NRK: variants seen among roughly 807,000 people sequenced by gnomAD.
NRK encodes Nik related kinase.
A neutral mutation model predicts 125.2 loss-of-function variants in NRK; 67 were observed. The ratio of observed to expected loss-of-function variants is 0.54; its 90% CI spans 0.44 to 0.66. NRK has a LOEUF of 0.66. Among genes scored for constraint, NRK ranks in the 30% least tolerant of loss-of-function variants. NRK has a pLI of 0.00. For missense variants in NRK, 1,224 were observed against 1,192.9 expected (o/e 1.03, Z -0.38); for synonymous variants, 458 against 429.0 (o/e 1.07, Z -0.84).
At chrX:105,879,031 T>C (rs2039852711) in intron 2 of NRK, among the ~76,000 whole-genome samples, 1 of 111,526 alleles carries the variant, frequency 9.0e-6, no homozygotes, top group Admixed American at 9.6e-5. Flanking sequence ...TCCTGGCTTC[T>C]GGTGTTATCA....
intron 2 of NRK, among the ~76,000 whole-genome samples, chrX:105,843,929 G>T (rs1439429892): frequency 1.9e-5 from 2 of 107,799 alleles, no homozygotes; most frequent in Admixed American, 1.0e-4. Context: ...GGCTTGAAAT[G>T]TTAAACTCTA....
chrX:105,935,521 A>G (rs955264072), intron 21 of NRK, among the ~76,000 whole-genome samples, 196 bp downstream of exon 21: 3 of 109,364 alleles, frequency 2.7e-5, no homozygotes, highest in Non-Finnish European at 5.7e-5. Flanking sequence ...GACGGCCCCC[A>G]CCTTTGTATT....
intron 5 of NRK, among the ~76,000 whole-genome samples, chrX:105,889,264 C>T (rs1261951277): frequency 1.8e-5 from 2 of 112,631 alleles, no homozygotes; most frequent in Non-Finnish European, 3.8e-5. Flanking sequence ...TCCTTTGACT[C>T]CATATCTCAC....
intron 16 of NRK, among the ~76,000 whole-genome samples, 163 bp downstream of exon 16, chrX:105,917,835 G>T (rs772680462): frequency 9.0e-6 from 1 of 111,567 alleles, no homozygotes; most frequent in Non-Finnish European, 1.9e-5. Flanking sequence ...TGGCAATTGG[G>T]TGGTCAGTGG....
rs2040866667 is a variant in NRK at position 105,949,731 on chromosome X, A to G, written c.4510A>G (p.Ile1504Val). 3 of 1,153,823 alleles carry G rather than the reference A, an allele frequency of 2.6e-6. No homozygotes were observed. The highest frequency in any genetic ancestry group is 3.5e-6 in the Non-Finnish European group (3 of 851,865). ...AATGTGGAAAGACATACCATCTTCTATAGGTATGTATACAATTTATTTCTT... is the reference window on the plus strand; with the variant it reads ...AATGTGGAAAGACATACCATCTTCTGTAGGTATGTATACAATTTATTTCTT... The part of the protein sequence containing the change: ...LEMWKDIPSS[I>V]AFECTQRTTG... The change falls in exon 27 of 29, where the codon ATA becomes GTA. Residue 1504 changes from isoleucine to valine, a missense_variant. Physicochemically the swap from Ile to Val is conservative, Grantham distance 29. Transcript: ENST00000243300.
chrX:105,825,853 A>C (rs1227465715), intron 1 of NRK, among the ~76,000 whole-genome samples: 1 of 109,739 alleles, frequency 9.1e-6, no homozygotes, highest in African/African-American at 3.3e-5. Context: ...CTATTGAATA[A>C]ATATTTTCTA....
intron 6 of NRK, 44 bp from the exon 7 acceptor site, chrX:105,895,386 AAAG>A (rs764433147): frequency 1.9e-5 from 18 of 964,128 alleles, no homozygotes; most frequent in Admixed American, 1.4e-4. Context: ...AGAAAGAAAG[AAAG>A]AAAGAAATAT....
chrX:105,920,621 G>A (rs2040429212), intron 16 of NRK, among the ~76,000 whole-genome samples: 1 of 110,344 alleles, frequency 9.1e-6, no homozygotes, highest in African/African-American at 3.3e-5. Context: ...TCCCTTGTAA[G>A]TTGGATTTAC....
intron 2 of NRK, among the ~76,000 whole-genome samples, chrX:105,863,027 A>C (rs1476815387): frequency 1.8e-5 from 2 of 112,090 alleles, no homozygotes; most frequent in Non-Finnish European, 3.8e-5. Context: ...AACAAAAAAC[A>C]ATATTGTATA....
At position 105,827,068 on chromosome X, in the gene NRK, C is replaced by T. The variant is rs187116596; in HGVS notation, c.58-3986C>T. On this transcript the variant is annotated intron_variant, in intron 1 of 28. Coordinates refer to ENST00000243300, the MANE Select transcript of NRK (RefSeq NM_198465.4). ...TATTACCCAGATGATTCTCACGTAGCGAGAGTCTATACAGTCTACAGTTTG... is the reference window on the plus strand; with the variant it reads ...TATTACCCAGATGATTCTCACGTAGTGAGAGTCTATACAGTCTACAGTTTG... Among the ~76,000 whole-genome samples the T allele has an allele frequency of 2.0e-3, 224 of 111,345 alleles. 3 individuals are homozygous for T. The highest frequency in any genetic ancestry group is 7.0e-3 in the African/African-American group (215 of 30,614).
At chrX:105,867,092 T>C (rs2039682104) in intron 2 of NRK, among the ~76,000 whole-genome samples, 1 of 111,722 alleles carries the variant, frequency 9.0e-6, no homozygotes, top group South Asian at 3.7e-4. Flanking sequence ...TACTAGGTTC[T>C]CTAAGGTTCT....
rs767101055 is a variant in NRK at position 105,955,585 on chromosome X, C to A, written c.4734C>A (p.Ser1578Arg). ...TTGGAAAACTTGAAGAGCTCCAAAG[C>A]AATTATGATGTCTAAAAGTTTCCAG... ...MTLGKLEELQSNYDV is the reference protein window; with the variant it reads ...MTLGKLEELQRNYDV The change falls in exon 29 of 29, where the codon AGC becomes AGA. Residue 1578 changes from serine (S) to arginine (R), a missense_variant. Transcript: ENST00000243300. 8.8e-7 allele frequency: 1 copy of A among 1,142,172 alleles called. No individual in the cohort carries two copies. Among genetic ancestry groups the A allele is most frequent in the Non-Finnish European group, 1.2e-6 (1 of 839,704 alleles). The allele number at this position is 1,142,172 out of a possible 1,213,427, so 94.1% of individuals were successfully genotyped here.
intron 24 of NRK, among the ~76,000 whole-genome samples, chrX:105,945,471 T>C (rs1301676035): frequency 8.9e-6 from 1 of 111,998 alleles, no homozygotes; most frequent in Non-Finnish European, 1.9e-5. Context: ...TGACTGTATA[T>C]ACAGTCTGAG....
In NRK at chrX:105,909,820, C is replaced by T. The variant is rs751709929; in HGVS notation, c.2179C>T (p.Arg727Cys). The change falls in exon 13 of 29, where the codon CGC becomes TGC. Residue 727 changes from arginine to cysteine, a missense_variant. Physicochemically the swap from Arg to Cys is radical, Grantham distance 180. Transcript: ENST00000243300. ...LSDLEARRQR[R>C]QRRWEDIFNQ... Reference sequence around the variant, plus strand: ...GGATTTAGAAGCCCGCAGGCAAAGGCGCCAACGCAGATGGGAAGATATCTT... The same window carrying T: ...GGATTTAGAAGCCCGCAGGCAAAGGTGCCAACGCAGATGGGAAGATATCTT... 9 of 1,173,424 alleles carry T rather than the reference C, an allele frequency of 7.7e-6. No homozygotes were observed. The highest frequency in any genetic ancestry group is 2.4e-5 in the Admixed American group (1 of 41,204).
intron 11 of NRK, among the ~76,000 whole-genome samples, 175 bp downstream of exon 11, chrX:105,906,764 C>CGTGTGTGTGTGTGTGTGTGT (rs61655627): frequency 2.3e-5 from 2 of 87,537 alleles, no homozygotes; most frequent in African/African-American, 8.4e-5. Context: ...TTTTCTCTTG[C>CGTGTGTGTGTGTGTGTGTGT]GTGTGTGTGT....
chrX:105,907,615 T>C (rs1294181177), intron 11 of NRK: 1 of 112,190 alleles, frequency 8.9e-6, no homozygotes, highest in Non-Finnish European at 1.9e-5. Context: ...ATTTCCAGAA[T>C]TGCAAAATTT....
At chrX:105,922,487 T>C (rs1255951684) in intron 17 of NRK, among the ~76,000 whole-genome samples, 1 of 111,974 alleles carries the variant, frequency 8.9e-6, no homozygotes, top group Non-Finnish European at 1.9e-5. Context: ...CTTCCAGCTC[T>C]TTGTGAACAT....
intron 4 of NRK, among the ~76,000 whole-genome samples, chrX:105,887,706 A>T (rs1366197130): frequency 8.9e-6 from 1 of 112,228 alleles, no homozygotes; most frequent in Non-Finnish European, 1.9e-5. Context: ...ACAAAAGACC[A>T]TGTTATATGA....
chrX:105,950,527 AGTGTGTGTGTGTGTGTGTGTGTGTGT>A (rs56383254), intron 27 of NRK, among the ~76,000 whole-genome samples: 6 of 77,980 alleles, frequency 7.7e-5, no homozygotes, highest in Non-Finnish European at 9.8e-5. Flanking sequence ...AAAAGGCAGC[AGTGTGTGTGTGTGTGTGTGTGTGTGT>A]GTGTGTGTGT....
Sources: allele counts gnomAD v4.1 joint callset (sites outside exome capture counted in the v4.1 genomes callset), GRCh38; gene constraint gnomAD v4.1.1; transcripts MANE v1.5; gene names NCBI Gene and HGNC (gene_info 2026-07-23, HGNC 2026-07-21).